The following SLC25A26 variants were observed in gnomAD, a reference collection of about 807,000 sequenced individuals.
SLC25A26 encodes the protein mitochondrial S-adenosylmethionine carrier protein.
SLC25A26 carries 36 observed loss-of-function variants against 37.8 expected under a neutral mutation model. The observed-to-expected ratio is 0.95, with a 90% CI of 0.73 to 1.26. SLC25A26 has a LOEUF of 1.26. SLC25A26 is among the 50% of genes most tolerant of loss of function. SLC25A26 has a pLI of 0.00. For missense variants in SLC25A26, 390 were observed against 331.1 expected, an observed-to-expected ratio of 1.18 and a Z score of -1.38; for synonymous variants, 129 against 122.5, an observed-to-expected ratio of 1.05 and a Z score of -0.35.
chr3:66,303,925 T>C (rs2075144477), intron 5 of SLC25A26, among the ~76,000 whole-genome samples: 1 of 152,200 alleles, frequency 6.6e-6, no homozygotes, highest in Non-Finnish European at 1.5e-5. Flanking sequence ...TTGTTAGCGA[T>C]TGGATGGTGA....
At chr3:66,209,087 G>T (rs1324755347) in intron 1 of SLC25A26, among the ~76,000 whole-genome samples, 23 of 39,934 alleles carry the variant, frequency 5.8e-4, no homozygotes, top group East Asian at 8.9e-4. Flanking sequence ...CCCATATAAA[G>T]ATGTATATAT....
chr3:66,216,621 G>T (rs1368983232), upstream of SLC25A26, among the ~76,000 whole-genome samples: 1 of 143,428 alleles, frequency 7.0e-6, no homozygotes, highest in Non-Finnish European at 1.5e-5. Flanking sequence ...TTTTGTTTTT[G>T]TTTTTTTTTT....
At position 66,141,177 on chromosome 3, in the gene SLC25A26, G is replaced by T. The variant is rs79463030; in HGVS notation, c.-354+7193G>T. 9.8e-4 allele frequency among the ~76,000 whole-genome samples: 148 copies of T among 151,226 alleles called. 3 individuals carry two copies. In the East Asian group the frequency reaches 0.028, roughly 28 times the overall value. The stretch of plus-strand genomic sequence containing the variant: ...TATTCTATAGTGTTGCAAGTTGTTA[G>T]CATTGGGGGAAACAGGGTGAAGGGC... On this transcript the variant is annotated intron_variant, in intron 1 of 10. Coordinates refer to the SLC25A26 transcript ENST00000676754.
intron 1 of SLC25A26, among the ~76,000 whole-genome samples, chr3:66,146,256 CT>C (rs1255005189): frequency 2.0e-5 from 3 of 151,798 alleles, no homozygotes; most frequent in African/African-American, 7.3e-5. Context: ...AGGAGAATCG[CT>C]TGAACCCGGG....
intron 1 of SLC25A26, among the ~76,000 whole-genome samples, chr3:66,168,185 G>A (rs949789658): frequency 2.2e-4 from 24 of 109,056 alleles, no homozygotes; most frequent in South Asian, 5.9e-4. Flanking sequence ...ATGTGTGTGT[G>A]TATATATATA....
chr3:66,257,685 A>G (rs1460725478), intron 3 of SLC25A26, among the ~76,000 whole-genome samples: 1 of 152,008 alleles, frequency 6.6e-6, no homozygotes, highest in Non-Finnish European at 1.5e-5. Context: ...ACTTTCCCCC[A>G]TCGTATGTGC....
At chr3:66,312,893 C>T (rs945751849) in intron 5 of SLC25A26, among the ~76,000 whole-genome samples, 1 of 152,130 alleles carries the variant, frequency 6.6e-6, no homozygotes, top group Non-Finnish European at 1.5e-5. Context: ...AGAAATCACC[C>T]ACCTTCTGTT....
intron 5 of SLC25A26, among the ~76,000 whole-genome samples, chr3:66,271,045 T>C (rs2073939297): frequency 6.6e-6 from 1 of 152,198 alleles, no homozygotes; most frequent in Non-Finnish European, 1.5e-5. Flanking sequence ...AATATGATGC[T>C]TCACTGTAAA....
intron 5 of SLC25A26, among the ~76,000 whole-genome samples, chr3:66,313,502 A>G (rs776045893): frequency 6.6e-6 from 1 of 152,152 alleles, no homozygotes; most frequent in African/African-American, 2.4e-5. Flanking sequence ...TAGCAGTACC[A>G]TGCTGTTTGG....
chr3:66,236,418 T>G, intron 1 of SLC25A26, 126 bp from the exon 2 acceptor site: 1 of 612,134 alleles, frequency 1.6e-6, no homozygotes, highest in Non-Finnish European at 2.5e-6. Context: ...CCGCAGAAGT[T>G]GTGGACTGAA....
At chr3:66,224,400 A>G (rs1407659685) in intron 1 of SLC25A26, among the ~76,000 whole-genome samples, 4 of 152,226 alleles carry the variant, frequency 2.6e-5, no homozygotes, top group African/African-American at 9.6e-5. Context: ...ACAAGAGAGC[A>G]TGTGCTGCAG....
chr3:66,334,477 G>A (rs187407689), intron 5 of SLC25A26, among the ~76,000 whole-genome samples: 2 of 152,012 alleles, frequency 1.3e-5, no homozygotes, highest in Non-Finnish European at 2.9e-5. Flanking sequence ...ACCATGCCTG[G>A]CTAATTTTTT....
intron 5 of SLC25A26, among the ~76,000 whole-genome samples, chr3:66,279,225 C>T (rs1303160501): frequency 2.0e-5 from 3 of 152,108 alleles, no homozygotes. Flanking sequence ...CCTGAGTCCC[C>T]TTTTACCCTG....
intron 1 of SLC25A26, among the ~76,000 whole-genome samples, chr3:66,191,957 A>G (rs1445200021): frequency 1.3e-5 from 2 of 151,906 alleles, no homozygotes; most frequent in African/African-American, 4.8e-5. Flanking sequence ...TGATGGTATT[A>G]GGAAATGGGG....
chr3:66,205,258 GTT>G (rs2071162084), intron 1 of SLC25A26, among the ~76,000 whole-genome samples: 1 of 152,142 alleles, frequency 6.6e-6, no homozygotes, highest in African/African-American at 2.4e-5. Flanking sequence ...GAGGCTCAGA[GTT>G]TATTCCTTTA....
chr3:66,149,997 G>C (rs1026925395), intron 1 of SLC25A26, among the ~76,000 whole-genome samples: 3 of 152,090 alleles, frequency 2.0e-5, no homozygotes, highest in Non-Finnish European at 4.4e-5. Context: ...GCCAACCTAT[G>C]TTTATTCTGT....
At chr3:66,174,029 G>A (rs1281317816) in intron 1 of SLC25A26, among the ~76,000 whole-genome samples, 39 of 151,830 alleles carry the variant, frequency 2.6e-4, no homozygotes, top group Admixed American at 2.6e-3. Flanking sequence ...CTCCAGCCTA[G>A]GTGACAGAGC....
At chr3:66,271,133 G>T (rs1260673942) in intron 5 of SLC25A26, among the ~76,000 whole-genome samples, 1 of 152,150 alleles carries the variant, frequency 6.6e-6, no homozygotes, top group African/African-American at 2.4e-5. Flanking sequence ...AAACCATAGT[G>T]TTGAAGTAGC....
chr3:66,227,861 T>C (rs972138611), intron 1 of SLC25A26, among the ~76,000 whole-genome samples: 30 of 152,260 alleles, frequency 2.0e-4, no homozygotes, highest in African/African-American at 6.3e-4. Flanking sequence ...AGAAAGGTAA[T>C]ACGAATGAAG....
Sources: gnomAD v4.1 joint callset for allele counts (sites outside exome capture counted in the v4.1 genomes callset) on GRCh38, gnomAD v4.1.1 for gene constraint, MANE v1.5 for transcripts, NCBI Gene and HGNC (gene_info 2026-07-23, HGNC 2026-07-21) for gene names.